TXN2: variants seen among roughly 807,000 people sequenced by gnomAD.
TXN2 encodes the protein thioredoxin, mitochondrial.
Under a neutral mutation model 14.6 loss-of-function variants are expected in TXN2, and 12 were observed. The ratio of observed to expected loss-of-function variants is 0.82; its 90% CI spans 0.53 to 1.33. The LOEUF (loss-of-function observed/expected upper bound fraction) is 1.33. Ranked by LOEUF, TXN2 falls within the 40% of genes most tolerant of loss-of-function variation. The probability of loss-of-function intolerance (pLI) is 0.00; values close to 1 mark genes in which losing one functional copy is unlikely to be tolerated. For synonymous variants in TXN2, 89 were observed against 81.0 expected (o/e 1.10, Z -0.53); for missense variants, 173 against 207.7 (o/e 0.83, Z 1.03).
Position 36,467,101 on chromosome 22 carries a change from TC to T in TXN2, c.*702del, listed in dbSNP as rs1379634569. The T allele has an allele frequency of 3.9e-5, 6 of 153,402 alleles. No homozygotes were observed. The allele number at this position is 153,402 out of a possible 1,614,324, so 9.5% of individuals were successfully genotyped here. A position where few individuals can be genotyped will look rare whatever the true frequency, so the allele number is the denominator to read the frequency against. ...ACTTGTTCACAGTTCAGCCCCCTGC[TC>T]AGAAAACCAACGGGCCAGCTAAGGA... On this transcript the variant is annotated 3_prime_UTR_variant, in exon 4 of 4. Coordinates refer to ENST00000216185, the MANE Select transcript of TXN2 (RefSeq NM_012473.4).
chr22:36,475,100 G>A (rs1446303276), intron 3 of TXN2, among the ~76,000 whole-genome samples: 1 of 152,238 alleles, frequency 6.6e-6, no homozygotes, highest in Non-Finnish European at 1.5e-5. Context: ...GAAACCCGCT[G>A]GGCGCGGTGG....
At chr22:36,473,397 C>T (rs754634227) in intron 3 of TXN2, among the ~76,000 whole-genome samples, 2 of 152,116 alleles carry the variant, frequency 1.3e-5, no homozygotes, top group Non-Finnish European at 2.9e-5. Flanking sequence ...GAACCGAGAT[C>T]GTGCCATTGC....
At chr22:36,479,918 T>C (rs924557135) in intron 2 of TXN2, among the ~76,000 whole-genome samples, 2 of 151,660 alleles carry the variant, frequency 1.3e-5, no homozygotes, top group Non-Finnish European at 2.9e-5. Context: ...ATTTCACTCT[T>C]TTTGCCCAGG....
intron 3 of TXN2, among the ~76,000 whole-genome samples, chr22:36,469,628 TG>T (rs1383853865): frequency 6.6e-6 from 1 of 152,180 alleles, no homozygotes; most frequent in Non-Finnish European, 1.5e-5. Context: ...GATCCCTGCC[TG>T]GCATTCGTGG....
intron 3 of TXN2, among the ~76,000 whole-genome samples, chr22:36,474,460 G>C (rs1252693574): frequency 6.6e-6 from 1 of 152,148 alleles, no homozygotes; most frequent in South Asian, 2.1e-4. Context: ...GCCTCTATTT[G>C]AGCTGGTCTA....
chr22:36,473,171 A>G (rs1933317059), intron 3 of TXN2, among the ~76,000 whole-genome samples: 1 of 152,044 alleles, frequency 6.6e-6, no homozygotes, highest in Admixed American at 6.6e-5. Context: ...GGCCAGGTGT[A>G]GTGGCTCACG....
intron 3 of TXN2, among the ~76,000 whole-genome samples, chr22:36,471,528 A>G (rs1452315097): frequency 6.6e-6 from 1 of 152,194 alleles, no homozygotes; most frequent in Non-Finnish European, 1.5e-5. Context: ...GTTAAAAGGA[A>G]AAGATCGCTG....
intron 3 of TXN2, 138 bp from the exon 4 acceptor site, chr22:36,468,055 C>T (rs1933196584): frequency 2.8e-6 from 2 of 705,582 alleles, no homozygotes; most frequent in Non-Finnish European, 2.5e-6. Context: ...CCTAGAGGAA[C>T]ATGGCTCTTC....
At chr22:36,473,705 G>A (rs1933328740) in intron 3 of TXN2, among the ~76,000 whole-genome samples, 1 of 152,188 alleles carries the variant, frequency 6.6e-6, no homozygotes, top group African/African-American at 2.4e-5. Flanking sequence ...GCCTTTCTGT[G>A]TGACAGCACA....
chr22:36,476,192 C>A (rs1161184703), intron 3 of TXN2, among the ~76,000 whole-genome samples: 5 of 152,078 alleles, frequency 3.3e-5, no homozygotes, highest in African/African-American at 1.2e-4. Flanking sequence ...AGTGAATGAC[C>A]TGGTGTTTTT....
At chr22:36,470,387 TGAAGCCACCA>T in intron 3 of TXN2, among the ~76,000 whole-genome samples, 1 of 152,220 alleles carries the variant, frequency 6.6e-6, no homozygotes, top group Non-Finnish European at 1.5e-5. Flanking sequence ...AGGAAGCGCC[TGAAGCCACCA>T]GGGCCTTCCC....
intron 3 of TXN2, among the ~76,000 whole-genome samples, chr22:36,474,096 C>T (rs563718463): frequency 3.3e-5 from 5 of 152,280 alleles, no homozygotes; most frequent in East Asian, 1.9e-4. Flanking sequence ...GGCTCTCACC[C>T]GAGGCATAGC....
intron 3 of TXN2, among the ~76,000 whole-genome samples, chr22:36,476,443 T>A (rs181112272): frequency 2.6e-5 from 4 of 152,090 alleles, no homozygotes; most frequent in Non-Finnish European, 5.9e-5. Flanking sequence ...ATACAAAAAA[T>A]TAGCTGGGCG....
At chr22:36,478,356 C>T (rs1050441736) in intron 2 of TXN2, among the ~76,000 whole-genome samples, 14 of 152,140 alleles carry the variant, frequency 9.2e-5, no homozygotes, top group Non-Finnish European at 2.1e-4. Context: ...CACTTCCTTA[C>T]TGAACAAAAT....
chr22:36,481,029 CAGA>C (rs1434086570), intron 1 of TXN2, 192 bp from the exon 2 acceptor site: 2 of 548,414 alleles, frequency 3.6e-6, no homozygotes, highest in South Asian at 4.1e-5. Flanking sequence ...CTAGGCAAAC[CAGA>C]AGGACAGGAA....
At chr22:36,473,444 A>G (rs115593581) in intron 3 of TXN2, among the ~76,000 whole-genome samples, 6,328 of 152,242 alleles carry the variant, frequency 0.042, 435 homozygotes, top group African/African-American at 0.14. Flanking sequence ...CTCCATCTCA[A>G]AAAAGAAAAA....
chr22:36,467,525 T>C lies in TXN2; in HGVS notation c.*279A>G. The C allele has an allele frequency of 2.5e-6, 1 of 400,082 alleles. No individual in the cohort carries two copies. The highest frequency in any genetic ancestry group is 2.8e-5 in the South Asian group (1 of 36,270). The allele number at this position is 400,082 out of a possible 1,614,324, so 24.8% of individuals were successfully genotyped here. On this transcript the variant is annotated 3_prime_UTR_variant, in exon 4 of 4. Transcript: ENST00000216185. ...GAACGCTGTGGGCTGGCCCAGGCTC[T>C]CGCCACACATCCTGGGAGAACTGCC...
At chr22:36,480,466 ATT>A (rs1933475449) in intron 2 of TXN2, 107 bp downstream of exon 2, 4 of 1,428,312 alleles carry the variant, frequency 2.8e-6, no homozygotes, top group Non-Finnish European at 9.5e-7. Context: ...CAGTCTGTAT[ATT>A]GAGTCTACAT....
At chr22:36,478,853 C>A (rs780090226) in intron 2 of TXN2, among the ~76,000 whole-genome samples, 11 of 152,140 alleles carry the variant, frequency 7.2e-5, no homozygotes, top group Non-Finnish European at 1.2e-4. Flanking sequence ...ACTTGGGAGG[C>A]TGAGGCAGGA....
Sources: gnomAD v4.1 joint callset for allele counts (sites outside exome capture counted in the v4.1 genomes callset) on GRCh38, gnomAD v4.1.1 for gene constraint, MANE v1.5 for transcripts, NCBI Gene and HGNC (gene_info 2026-07-23, HGNC 2026-07-21) for gene names.